ADGRV1: variants seen among roughly 807,000 people sequenced by gnomAD.
ADGRV1 encodes the protein adhesion G protein-coupled receptor V1, also known as G-protein coupled receptor 98.
Under a neutral mutation model 596.2 loss-of-function variants are expected in ADGRV1, and 359 were observed. The observed-to-expected ratio is 0.60, with a 90% CI of 0.55 to 0.66. The LOEUF is 0.66. ADGRV1 is among the 30% of genes least tolerant of loss of function. The pLI is 0.00. For synonymous variants in ADGRV1, 2,681 were observed against 2,679.2 expected (o/e 1.00, Z -0.02); for missense variants, 7,274 against 7,575.6 (o/e 0.96, Z 1.48).
rs3749606 is a variant in ADGRV1, at chr5:91,102,100, C to T, written c.18311-119C>T. ...CCCTCTGGCATAAGAATGGGATTTC[C>T]AAGGTTGTTCTCTCAAAATGGGCAC... On this transcript the variant is annotated intron_variant, in intron 86 of 89. Coordinates refer to ENST00000405460, the MANE Select transcript of ADGRV1 (RefSeq NM_032119.4). 49,640 of 889,432 alleles carry T rather than the reference C, an allele frequency of 0.056. 2,072 individuals carry two copies. The highest frequency in any genetic ancestry group is 0.15 in the East Asian group (5,394 of 36,034). 55.1% of individuals were successfully genotyped at this position (889,432 alleles called of 1,614,324 possible).
intron 23 of ADGRV1, among the ~76,000 whole-genome samples, chr5:90,674,889 C>T (rs1433393429): frequency 6.6e-6 from 1 of 151,940 alleles, no homozygotes; most frequent in East Asian, 1.9e-4. Context: ...ACCTGTTCTA[C>T]TATATGTTCT....
intron 1 of ADGRV1, among the ~76,000 whole-genome samples, chr5:90,604,934 A>G (rs1385648288): frequency 6.6e-6 from 1 of 152,196 alleles, no homozygotes; most frequent in African/African-American, 2.4e-5. Flanking sequence ...ATAATCTTCT[A>G]GAGCTCCACA....
intron 85 of ADGRV1, among the ~76,000 whole-genome samples, chr5:90,985,766 C>T (rs1313930265): frequency 1.3e-5 from 2 of 152,082 alleles, no homozygotes; most frequent in South Asian, 4.2e-4. Context: ...TGTACCTTAG[C>T]ATTTAGTTTA....
chr5:90,817,597 G>T (rs1470741358), intron 75 of ADGRV1, among the ~76,000 whole-genome samples: 4 of 151,946 alleles, frequency 2.6e-5, no homozygotes, highest in Non-Finnish European at 4.4e-5. Context: ...TGTGTAAGGT[G>T]TAAGGAAGGG....
intron 43 of ADGRV1, chr5:90,718,329 C>T (rs1418340914): frequency 6.6e-6 from 1 of 152,170 alleles, no homozygotes; most frequent in Non-Finnish European, 1.5e-5. Context: ...TCCCTTTTCA[C>T]AGCTAGATTA....
chr5:91,080,247 A>G (rs6879832), intron 86 of ADGRV1, among the ~76,000 whole-genome samples: 93 of 152,320 alleles, frequency 6.1e-4, no homozygotes, highest in African/African-American at 2.0e-3. Context: ...GTTGTTAACT[A>G]TAGTCAACTA....
In ADGRV1 at chr5:90,810,393, A is replaced by G; in HGVS notation, c.15133A>G (p.Thr5045Ala). 6.2e-7 allele frequency: 1 copy of G among 1,613,876 alleles called. No homozygotes were observed. The highest frequency in any genetic ancestry group is 8.5e-7 in the Non-Finnish European group (1 of 1,179,828). The change falls in exon 74 of 90, where the codon ACT (threonine) becomes GCT (alanine). Residue 5045 changes from threonine (T) to alanine (A), a missense_variant. Physicochemically the swap from Thr to Ala is moderately conservative, Grantham distance 58. Transcript: ENST00000405460. Reference protein sequence around the residue: ...SDLIKVSYQTTAGSAKPLEDF... With the variant: ...SDLIKVSYQTAAGSAKPLEDF... ...TCTTATTAAAGTTTCTTATCAGACC[A>G]CTGCAGGAAGCGCCAAGCCACTGGA... is the stretch of plus-strand genomic sequence containing the variant.
At chr5:90,723,978 C>A (rs1751428704) in intron 45 of ADGRV1, among the ~76,000 whole-genome samples, 2 of 151,196 alleles carry the variant, frequency 1.3e-5, no homozygotes, top group African/African-American at 4.9e-5. Context: ...CCAGTTGTAG[C>A]AGTTTGATAA....
chr5:91,055,408 A>C (rs932148226), intron 85 of ADGRV1, among the ~76,000 whole-genome samples: 1 of 151,890 alleles, frequency 6.6e-6, no homozygotes, highest in Non-Finnish European at 1.5e-5. Context: ...AATGATAATA[A>C]TGGCTGTCCT....
intron 83 of ADGRV1, among the ~76,000 whole-genome samples, chr5:90,914,498 G>C (rs576527540): frequency 6.6e-6 from 1 of 152,236 alleles, no homozygotes; most frequent in South Asian, 2.1e-4. Context: ...CAACTATTAA[G>C]TGGAGATAAA....
intron 78 of ADGRV1, 37 bp from the exon 79 acceptor site, chr5:90,848,600 T>G (rs1417797880): frequency 8.3e-7 from 1 of 1,202,876 alleles, no homozygotes; most frequent in Non-Finnish European, 1.1e-6. Context: ...AAATTTATTT[T>G]TATAGATATA....
At chr5:90,762,243 C>T (rs1008998812) in intron 58 of ADGRV1, among the ~76,000 whole-genome samples, 5 of 152,046 alleles carry the variant, frequency 3.3e-5, no homozygotes, top group African/African-American at 1.2e-4. Flanking sequence ...GTGGTATGAA[C>T]AGTTTGGAGT....
At chr5:90,975,824 C>T (rs190645538) in intron 84 of ADGRV1, among the ~76,000 whole-genome samples, 8 of 151,116 alleles carry the variant, frequency 5.3e-5, no homozygotes, top group Admixed American at 1.3e-4. Flanking sequence ...GCACATTGTG[C>T]ACATGTACCC....
chr5:90,625,435 A>G (rs963440411), intron 6 of ADGRV1, 192 bp downstream of exon 6: 1 of 435,482 alleles, frequency 2.3e-6, no homozygotes, highest in African/African-American at 2.0e-5. Context: ...GAATCTGAAT[A>G]TAACTGGCAA....
chr5:90,918,299 A>T (rs1773564235), intron 83 of ADGRV1, among the ~76,000 whole-genome samples: 1 of 152,188 alleles, frequency 6.6e-6, no homozygotes, highest in Admixed American at 6.5e-5. Flanking sequence ...TTTATGACGG[A>T]CCACATCTAC....
intron 1 of ADGRV1, among the ~76,000 whole-genome samples, chr5:90,570,597 GA>G (rs1193588283): frequency 6.6e-6 from 1 of 152,072 alleles, no homozygotes; most frequent in Non-Finnish European, 1.5e-5. Context: ...ATAGGACTCT[GA>G]GGCTCTGTTC....
At chr5:91,067,354 G>T (rs912746133) in intron 85 of ADGRV1, among the ~76,000 whole-genome samples, 9 of 151,998 alleles carry the variant, frequency 5.9e-5, no homozygotes, top group East Asian at 1.9e-4. Flanking sequence ...TGTTGTTCAG[G>T]CTGGTCTTGA....
Position 90,600,962 on chromosome 5 carries a change from C to T in ADGRV1, c.23-13873C>T, listed in dbSNP as rs988200106. On this transcript the variant is annotated intron_variant, in intron 1 of 89. Transcript: ENST00000405460. The stretch of plus-strand genomic sequence containing the variant: ...AGAAGCAAGGGAAAACCCGGCCGAG[C>T]GCAGTGGCTCACGCCTGTAATTCCA... Among the ~76,000 whole-genome samples the T allele has an allele frequency of 5.3e-5, 8 of 152,052 alleles. No individual in the cohort carries two copies. In the South Asian group the frequency reaches 6.2e-4, roughly 12 times the overall value.
At chr5:90,583,896 A>G (rs920201350) in intron 1 of ADGRV1, among the ~76,000 whole-genome samples, 10 of 152,328 alleles carry the variant, frequency 6.6e-5, no homozygotes, top group African/African-American at 2.4e-4. Context: ...TGCTATAGAT[A>G]TAGTGATTTT....
Sources: gnomAD v4.1 joint callset for allele counts (sites outside exome capture counted in the v4.1 genomes callset) on GRCh38, gnomAD v4.1.1 for gene constraint, MANE v1.5 for transcripts, NCBI Gene and HGNC (gene_info 2026-07-23, HGNC 2026-07-21) for gene names.